The following RBMS3 variants were observed in gnomAD, a reference collection of about 807,000 sequenced individuals.
The protein encoded by RBMS3 is RNA-binding motif, single-stranded-interacting protein 3.
A neutral mutation model predicts 66.8 loss-of-function variants in RBMS3; 27 were observed. The observed-to-expected ratio is 0.40, with a 90% confidence interval of 0.30 to 0.56. The LOEUF is 0.56. RBMS3 is among the 20% of genes least tolerant of loss of function. The pLI, the probability that RBMS3 is intolerant of heterozygous loss-of-function variation, is 0.40. For missense variants in RBMS3, 513 were observed against 549.5 expected (o/e 0.93, Z 0.66); for synonymous variants, 188 against 183.0 (o/e 1.03, Z -0.22).
intron 6 of RBMS3, among the ~76,000 whole-genome samples, chr3:29,825,157 T>C (rs1297611197): frequency 6.6e-6 from 1 of 151,590 alleles, no homozygotes; most frequent in East Asian, 2.0e-4. Context: ...TGCCTCAGCC[T>C]CCCAAGTAGC....
intron 6 of RBMS3, among the ~76,000 whole-genome samples, chr3:29,832,991 C>T (rs2149490893): frequency 6.6e-6 from 1 of 152,246 alleles, no homozygotes; most frequent in African/African-American, 2.4e-5. Flanking sequence ...CATTTCTGGG[C>T]ACGGCCACAG....
At chr3:29,753,999 C>T (rs560591493) in intron 5 of RBMS3, among the ~76,000 whole-genome samples, 273 of 151,932 alleles carry the variant, frequency 1.8e-3, no homozygotes, top group African/African-American at 6.2e-3. Flanking sequence ...ATTCTGTCAC[C>T]CAGGCTACAG....
At chr3:29,559,376 AAACT>A (rs2046463267) in intron 3 of RBMS3, among the ~76,000 whole-genome samples, 1 of 151,664 alleles carries the variant, frequency 6.6e-6, no homozygotes, top group Non-Finnish European at 1.5e-5. Flanking sequence ...CTTTCATTAA[AAACT>A]AACTATTCTA....
At chr3:29,846,620 A>C (rs1180547214) in intron 6 of RBMS3, among the ~76,000 whole-genome samples, 1 of 152,194 alleles carries the variant, frequency 6.6e-6, no homozygotes, top group Non-Finnish European at 1.5e-5. Flanking sequence ...TGATGACTCA[A>C]TATATTTTCT....
At chr3:29,850,388 T>TA (rs1316835941) in intron 6 of RBMS3, among the ~76,000 whole-genome samples, 1 of 152,202 alleles carries the variant, frequency 6.6e-6, no homozygotes, top group Non-Finnish European at 1.5e-5. Context: ...ATATTCAATC[T>TA]ACTTCATTAA....
intron 3 of RBMS3, among the ~76,000 whole-genome samples, chr3:29,511,146 A>C (rs936131208): frequency 1.3e-5 from 2 of 152,066 alleles, no homozygotes; most frequent in Admixed American, 1.3e-4. Context: ...AAATACAAAA[A>C]ATTAGTGGGA....
intron 10 of RBMS3, among the ~76,000 whole-genome samples, chr3:29,932,731 A>G (rs1380097472): frequency 1.3e-5 from 2 of 152,182 alleles, no homozygotes; most frequent in African/African-American, 4.8e-5. Context: ...TTGAACTTTC[A>G]AAGACTTCAA....
intron 3 of RBMS3, among the ~76,000 whole-genome samples, chr3:29,558,237 A>C (rs913016516): frequency 1.3e-5 from 2 of 152,202 alleles, no homozygotes; most frequent in Non-Finnish European, 2.9e-5. Flanking sequence ...GATACAAACG[A>C]AAAATTTTGA....
intron 3 of RBMS3, among the ~76,000 whole-genome samples, chr3:29,585,762 T>C (rs3773098): frequency 0.059 from 9,045 of 152,150 alleles, 553 homozygotes; most frequent in East Asian, 0.31. Flanking sequence ...AGTTTGATTT[T>C]GTAGGGAGAG....
chr3:29,988,671 C>G (rs1473687631), intron 13 of RBMS3, among the ~76,000 whole-genome samples: 1 of 152,124 alleles, frequency 6.6e-6, no homozygotes, highest in Non-Finnish European at 1.5e-5. Context: ...ACCTGTAATC[C>G]TTGCTACTTG....
At chr3:29,451,337 C>A (rs1466911855) in intron 2 of RBMS3, among the ~76,000 whole-genome samples, 1 of 151,860 alleles carries the variant, frequency 6.6e-6, no homozygotes, top group African/African-American at 2.4e-5. Context: ...ATGAAGAAGC[C>A]AAAGATTATT....
In RBMS3 at chr3:29,682,134, G is replaced by A. The variant is rs557464113; in HGVS notation, c.400-57586G>A. 6.6e-5 allele frequency among the ~76,000 whole-genome samples: 10 copies of A among 152,126 alleles called. 1 individual carries two copies. The South Asian group carries it at 1.0e-3, about 16-fold the overall frequency. On this transcript the variant is annotated intron_variant, in intron 4 of 14. Transcript: ENST00000383767. ...CGAAAGGATGGCTTGATGCAGGAAG[G>A]CAATTAGATGTTTGTTTGTTTGTTT...
intron 2 of RBMS3, among the ~76,000 whole-genome samples, chr3:29,460,919 A>G (rs184590303): frequency 2.0e-5 from 3 of 152,252 alleles, no homozygotes; most frequent in Non-Finnish European, 4.4e-5. Context: ...TTTCTAATAT[A>G]TCTTCCCTAA....
intron 6 of RBMS3, among the ~76,000 whole-genome samples, chr3:29,815,800 G>A (rs2057872590): frequency 6.6e-6 from 1 of 151,540 alleles, no homozygotes; most frequent in Non-Finnish European, 1.5e-5. Context: ...AAGGGTGGGA[G>A]GGGGTAAGGG....
chr3:29,927,502 TC>T (rs1299526507), intron 10 of RBMS3, among the ~76,000 whole-genome samples: 1 of 152,134 alleles, frequency 6.6e-6, no homozygotes, highest in Admixed American at 6.5e-5. Flanking sequence ...TTGATCATGA[TC>T]AAAGTGTGTG....
chr3:29,942,670 G>A (rs1479965436), intron 11 of RBMS3, among the ~76,000 whole-genome samples: 1 of 151,766 alleles, frequency 6.6e-6, no homozygotes, highest in Non-Finnish European at 1.5e-5. Flanking sequence ...GGGATTAGGA[G>A]TAATGTCTAT....
intron 1 of RBMS3, among the ~76,000 whole-genome samples, chr3:29,405,236 A>T (rs1248406688): frequency 6.6e-6 from 1 of 152,142 alleles, no homozygotes; most frequent in African/African-American, 2.4e-5. Context: ...AATCCAAGAG[A>T]ATCAAAACTT....
Position 30,005,241 on chromosome 3 carries a change from A to G in RBMS3, c.*1379A>G, listed in dbSNP as rs892313714. ...GGGGAGTTGTCTCTCTTTTCTTTAA[A>G]TGTGTATTCATTGATAGCAGAAGCT... On this transcript the variant is annotated 3_prime_UTR_variant, in exon 15 of 15. Transcript: ENST00000383767. 5.3e-5 allele frequency: 8 copies of G among 151,186 alleles called. No individual in the cohort carries two copies. Among genetic ancestry groups the G allele is most frequent in the African/African-American group, 1.9e-4 (8 of 41,198 alleles). The allele number at this position is 151,186 out of a possible 1,614,324, so 9.4% of individuals were successfully genotyped here.
At chr3:29,443,322 A>G (rs1015414071) in intron 2 of RBMS3, among the ~76,000 whole-genome samples, 3 of 152,040 alleles carry the variant, frequency 2.0e-5, no homozygotes, top group African/African-American at 7.2e-5. Context: ...GTACTTATTG[A>G]TTGTCATCTG....
Sources: gnomAD v4.1 joint callset for allele counts (sites outside exome capture counted in the v4.1 genomes callset) on GRCh38, gnomAD v4.1.1 for gene constraint, MANE v1.5 for transcripts, NCBI Gene and HGNC (gene_info 2026-07-23, HGNC 2026-07-21) for gene names.